Variants in DDX42 observed in about 807,000 individuals in gnomAD.
DDX42 encodes the protein ATP-dependent RNA helicase DDX42.
In DDX42, 22 loss-of-function variants were observed where a neutral mutation model predicts 101.5. The observed-to-expected ratio is 0.22, with a 90% confidence interval of 0.15 to 0.31. The LOEUF (loss-of-function observed/expected upper bound fraction) is 0.31. Ranked by LOEUF, DDX42 falls within the 10% of genes least tolerant of loss-of-function variation. The probability of loss-of-function intolerance (pLI) is 1.00; values close to 1 mark genes in which losing one functional copy is unlikely to be tolerated. For synonymous variants in DDX42, 402 were observed against 401.2 expected, an observed-to-expected ratio of 1.00 and a Z score of -0.02; for missense variants, 849 against 1,199.9, an observed-to-expected ratio of 0.71 and a Z score of 4.32.
chr17:63,783,647 T>C (rs1384748388), intron 1 of DDX42, among the ~76,000 whole-genome samples: 1 of 152,198 alleles, frequency 6.6e-6, no homozygotes, highest in Non-Finnish European at 1.5e-5. Flanking sequence ...GGTAAATTAG[T>C]ACTTACTAAA....
intron 9 of DDX42, among the ~76,000 whole-genome samples, chr17:63,808,451 G>C (rs1429162659): frequency 6.6e-6 from 1 of 152,140 alleles, no homozygotes; most frequent in Non-Finnish European, 1.5e-5. Flanking sequence ...TGGGATTACA[G>C]GTGTGAGCCA....
chr17:63,800,768 T>C, intron 6 of DDX42, 151 bp downstream of exon 6: 1 of 883,162 alleles, frequency 1.1e-6, no homozygotes, highest in Non-Finnish European at 1.6e-6. Flanking sequence ...ACAAATTCCA[T>C]GAGGCTTTAT....
chr17:63,804,772 C>T (rs1218804187), intron 6 of DDX42, among the ~76,000 whole-genome samples: 5 of 151,982 alleles, frequency 3.3e-5, no homozygotes, highest in Non-Finnish European at 5.9e-5. Context: ...TTGTTTGAAC[C>T]GGGGAGGTGG....
Position 63,815,676 on chromosome 17 carries a change from G to T in DDX42, c.2013+3G>T. On this transcript the variant is annotated splice_donor_region_variant and intron_variant, in intron 16 of 17. Coordinates refer to ENST00000389924, the MANE Select transcript of DDX42 (RefSeq NM_203499.3). Reference sequence around the variant, plus strand: ...CTGGCCTGGGCTCTGAGAACATGGTGAGTCTAGACTACTACAGTAGTGCCT... The same window carrying T: ...CTGGCCTGGGCTCTGAGAACATGGTTAGTCTAGACTACTACAGTAGTGCCT... The T allele has an allele frequency of 6.2e-7, 1 of 1,601,744 alleles. No individual in the cohort carries two copies. Among genetic ancestry groups the T allele is most frequent in the South Asian group, 1.1e-5 (1 of 90,666 alleles).
intron 1 of DDX42, among the ~76,000 whole-genome samples, chr17:63,786,722 G>A (rs1567731081): frequency 6.6e-6 from 1 of 152,250 alleles, no homozygotes. Context: ...GTGTCGCCCA[G>A]GCTGGAGTGC....
At position 63,813,364 on chromosome 17, in the gene DDX42, C is replaced by A; in HGVS notation, c.1812C>A (p.Pro604=). ...EKGVAYTLLT[P]KDSNFAGDLV... ...GTGTGGCCTATACCCTACTCACTCC[C>A]AAGGACAGCAATTTTGCTGGTGACC... Residue 604 remains proline, a synonymous_variant, in exon 15 of 18, where the codon CCC becomes CCA. Coordinates refer to ENST00000389924, the MANE Select transcript of DDX42 (RefSeq NM_203499.3). The A allele has an allele frequency of 6.2e-7, 1 of 1,614,142 alleles. No individual in the cohort carries two copies. The highest frequency in any genetic ancestry group is 1.3e-5 in the African/African-American group (1 of 75,020).
At chr17:63,786,461 G>T (rs911081222) in intron 1 of DDX42, among the ~76,000 whole-genome samples, 2 of 152,122 alleles carry the variant, frequency 1.3e-5, no homozygotes, top group African/African-American at 4.8e-5. Context: ...GACAATCTCT[G>T]TCACCCAGGC....
At position 63,792,346 on chromosome 17, in the gene DDX42, T is replaced by C. The variant is rs2039638470; in HGVS notation, c.222-66T>C. 3.9e-6 allele frequency: 6 copies of C among 1,526,528 alleles called. No homozygotes were observed. The South Asian group carries it at 6.2e-5, about 16-fold the overall frequency. The allele number at this position is 1,526,528 out of a possible 1,614,324, so 94.6% of individuals were successfully genotyped here. On this transcript the variant is annotated intron_variant, in intron 2 of 17. Coordinates refer to ENST00000389924, the MANE Select transcript of DDX42 (RefSeq NM_203499.3). ...AAGATATACCATAATAAAAATGTTG[T>C]TAAATGAAAGATTTACTGACCCCAA... is the stretch of plus-strand genomic sequence containing the variant.
chr17:63,780,306 A>C (rs549826099), intron 1 of DDX42, among the ~76,000 whole-genome samples: 74 of 16,704 alleles, frequency 4.4e-3, no homozygotes, highest in South Asian at 0.013. Flanking sequence ...AAAAAACAAA[A>C]AAAAAAAAAA....
chr17:63,813,550 T>C, intron 15 of DDX42, 96 bp downstream of exon 15: 16 of 1,153,572 alleles, frequency 1.4e-5, no homozygotes, highest in Non-Finnish European at 1.6e-5. Flanking sequence ...GACAAGAAAG[T>C]TGGGTGGCTA....
Position 63,818,421 on chromosome 17 carries a change from A to G in DDX42, c.*23A>G, listed in dbSNP as rs2040006951. On this transcript the variant is annotated 3_prime_UTR_variant, in exon 18 of 18. Coordinates refer to ENST00000389924, the MANE Select transcript of DDX42 (RefSeq NM_203499.3). ...TAGAGGGGATGTGCTAAAGCGTGAA[A>G]TCAGTTGTCCTTAATTTTTAGAAAG... 1 of 1,594,540 alleles carries G rather than the reference A, an allele frequency of 6.3e-7. No homozygotes were observed. Among genetic ancestry groups the G allele is most frequent in the Admixed American group, 1.8e-5 (1 of 57,042 alleles).
At chr17:63,775,015 C>T (rs1309503466) in intron 1 of DDX42, 2 of 152,638 alleles carry the variant, frequency 1.3e-5, no homozygotes, top group Non-Finnish European at 2.9e-5. Flanking sequence ...GCCCCCACTC[C>T]TATAGGCAGT....
At chr17:63,785,381 CAG>C (rs1286728943) in intron 1 of DDX42, among the ~76,000 whole-genome samples, 1 of 151,962 alleles carries the variant, frequency 6.6e-6, no homozygotes, top group Non-Finnish European at 1.5e-5. Flanking sequence ...ACCCAGGCGA[CAG>C]AGGTTGCAGC....
intron 3 of DDX42, among the ~76,000 whole-genome samples, chr17:63,796,027 A>G (rs1299187394): frequency 6.6e-6 from 1 of 152,210 alleles, no homozygotes; most frequent in African/African-American, 2.4e-5. Context: ...TAATATGTTA[A>G]GTGATTTACC....
chr17:63,797,316 C>A (rs2039705063), intron 3 of DDX42, among the ~76,000 whole-genome samples: 1 of 144,584 alleles, frequency 6.9e-6, no homozygotes, highest in Admixed American at 7.0e-5. Context: ...GGTGCCATTG[C>A]ACTCCAGCCT....
chr17:63,816,432 G>C (rs906144677), intron 16 of DDX42, among the ~76,000 whole-genome samples: 3 of 152,312 alleles, frequency 2.0e-5, no homozygotes, highest in Admixed American at 1.3e-4. Context: ...CTGAATGGAA[G>C]TTAGTACAGA....
intron 1 of DDX42, among the ~76,000 whole-genome samples, chr17:63,780,005 T>C (rs747651445): frequency 5.3e-5 from 8 of 152,264 alleles, no homozygotes; most frequent in Middle Eastern, 3.4e-3. Context: ...GGTTTAATAG[T>C]AGGAAAAACT....
chr17:63,801,003 TC>T (rs1269070366), intron 6 of DDX42, among the ~76,000 whole-genome samples: 1 of 151,456 alleles, frequency 6.6e-6, no homozygotes, highest in African/African-American at 2.4e-5. Context: ...TTCCTTTTTT[TC>T]CTCTCTTTCT....
chr17:63,786,749 C>G (rs1422110091), intron 1 of DDX42, among the ~76,000 whole-genome samples: 1 of 152,254 alleles, frequency 6.6e-6, no homozygotes, highest in Non-Finnish European at 1.5e-5. Context: ...ACGATCTCAG[C>G]TCACTGCAAC....
Sources: allele counts gnomAD v4.1 joint callset (sites outside exome capture counted in the v4.1 genomes callset), GRCh38; gene constraint gnomAD v4.1.1; transcripts MANE v1.5; gene names NCBI Gene and HGNC (gene_info 2026-07-23, HGNC 2026-07-21).